The following C10orf67 variants were observed in gnomAD, a reference collection of about 807,000 sequenced individuals.
C10orf67 encodes chromosome 10 open reading frame 67, also known as uncharacterized protein C10orf67, mitochondrial.
Under a neutral mutation model 35.6 loss-of-function variants are expected in C10orf67, and 60 were observed. The observed-to-expected ratio is 1.68, with a 90% CI of 1.37 to 2.09. The LOEUF is 2.09. Among genes scored for constraint, C10orf67 ranks in the 30% most tolerant of loss-of-function variants. C10orf67 has a pLI of 0.00. For synonymous variants in C10orf67, 167 were observed against 115.8 expected, an observed-to-expected ratio of 1.44 and a Z score of -2.84; for missense variants, 474 against 330.2, an observed-to-expected ratio of 1.44 and a Z score of -3.38.
chr10:23,343,712 CG>C (rs1219161509), intron 1 of C10orf67, among the ~76,000 whole-genome samples: 1 of 152,188 alleles, frequency 6.6e-6, no homozygotes, highest in Admixed American at 6.5e-5. Flanking sequence ...CTCCAGAGTC[CG>C]TGCTCTTAGT....
intron 2 of C10orf67, 55 bp downstream of exon 2, chr10:23,333,007 A>G: frequency 4.5e-6 from 7 of 1,550,986 alleles, no homozygotes; most frequent in Non-Finnish European, 6.2e-6. Flanking sequence ...AAGAAACATG[A>G]AGGCAATTAA....
Position 23,206,617 on chromosome 10 carries a change from A to T in C10orf67, c.1571-2362T>A, listed in dbSNP as rs77462774. Reference sequence around the variant, plus strand: ...AACTGATAAGTTACCATGAATAAAGATTGTTTTTCTGTTTAATGTGGTGGG... The same window carrying T: ...AACTGATAAGTTACCATGAATAAAGTTTGTTTTTCTGTTTAATGTGGTGGG... On this transcript the variant is annotated intron_variant, in intron 15 of 15. Coordinates refer to ENST00000636213, the MANE Select transcript of C10orf67 (RefSeq NM_001371909.1). Among the ~76,000 whole-genome samples the T allele has an allele frequency of 5.6e-3, 846 of 152,270 alleles. 12 individuals are homozygous for T. The highest frequency in any genetic ancestry group is 0.019 in the African/African-American group (810 of 41,556).
intron 8 of C10orf67, among the ~76,000 whole-genome samples, chr10:23,268,808 T>G (rs577197789): frequency 6.6e-6 from 1 of 152,354 alleles, no homozygotes; most frequent in African/African-American, 2.4e-5. Flanking sequence ...CATAGCCTAT[T>G]GTTCCTAGGC....
chr10:23,204,475 G>T (rs1302628366), intron 15 of C10orf67, among the ~76,000 whole-genome samples: 1 of 152,166 alleles, frequency 6.6e-6, no homozygotes, highest in African/African-American at 2.4e-5. Flanking sequence ...GCGTGTGCCA[G>T]CCAAGCTTTG....
intron 12 of C10orf67, among the ~76,000 whole-genome samples, chr10:23,240,418 A>G (rs1465126845): frequency 6.6e-6 from 1 of 152,256 alleles, no homozygotes. Context: ...TTCTACCAGA[A>G]TTCAACAAAG....
intron 12 of C10orf67, 125 bp downstream of exon 12, chr10:23,250,330 A>G: frequency 2.5e-6 from 1 of 394,336 alleles, no homozygotes. Flanking sequence ...ATTATTTTGC[A>G]TTTCTTGTAG....
intron 13 of C10orf67, among the ~76,000 whole-genome samples, chr10:23,229,717 A>T (rs1841852752): frequency 6.6e-6 from 1 of 152,208 alleles, no homozygotes; most frequent in Non-Finnish European, 1.5e-5. Context: ...AACTACTTAG[A>T]GTAATATGCA....
In C10orf67 at chr10:23,225,698, A is replaced by G. The variant is rs549605489; in HGVS notation, c.1435-1880T>C. On this transcript the variant is annotated intron_variant, in intron 13 of 15. Transcript: ENST00000636213. The stretch of plus-strand genomic sequence containing the variant: ...AGATCTACCAAGCAAATGGAAAACA[A>G]AAAAAGGCAAGGGTTGCAATCCTAG... Among the ~76,000 whole-genome samples the G allele has an allele frequency of 5.3e-5, 8 of 152,308 alleles. No individual in the cohort carries two copies. In the South Asian group the frequency reaches 1.5e-3, roughly 28 times the overall value.
At chr10:23,207,647 G>A (rs968528154) in intron 15 of C10orf67, among the ~76,000 whole-genome samples, 3 of 152,174 alleles carry the variant, frequency 2.0e-5, no homozygotes, top group Admixed American at 1.3e-4. Context: ...AACCACATCG[G>A]TCACAGTTGA....
intron 2 of C10orf67, among the ~76,000 whole-genome samples, chr10:23,327,161 A>C (rs1357873709): frequency 6.6e-6 from 1 of 152,122 alleles, no homozygotes; most frequent in African/African-American, 2.4e-5. Context: ...AACTAAAGAA[A>C]AGTTAATACA....
intron 1 of C10orf67, 86 bp from the exon 2 acceptor site, chr10:23,333,268 A>G (rs895003780): frequency 1.5e-6 from 2 of 1,294,650 alleles, no homozygotes; most frequent in African/African-American, 1.5e-5. Context: ...TGTGTAAATC[A>G]TATCGTATTT....
chr10:23,206,540 T>C (rs774674174), intron 15 of C10orf67, among the ~76,000 whole-genome samples: 12 of 152,212 alleles, frequency 7.9e-5, no homozygotes, highest in Non-Finnish European at 1.8e-4. Flanking sequence ...ACCTATTGCT[T>C]TCAAGTTGCT....
At chr10:23,243,097 C>A (rs1254277465) in intron 12 of C10orf67, among the ~76,000 whole-genome samples, 2 of 152,052 alleles carry the variant, frequency 1.3e-5, no homozygotes, top group South Asian at 2.1e-4. Flanking sequence ...AAGAGCATTA[C>A]TAAAGATAAA....
chr10:23,320,723 C>A lies in C10orf67; in HGVS notation c.546+18G>T. Reference sequence around the variant, plus strand: ...GCTAGCCTTGCCCACAACTACGGCACCAGAAACAGAAACTCACCTGGTACA... The same window carrying A: ...GCTAGCCTTGCCCACAACTACGGCAACAGAAACAGAAACTCACCTGGTACA... On this transcript the variant is annotated intron_variant, in intron 4 of 15. Transcript: ENST00000636213. The A allele has an allele frequency of 6.4e-7, 1 of 1,571,784 alleles. No individual in the cohort carries two copies. Among genetic ancestry groups the A allele is most frequent in the Non-Finnish European group, 8.7e-7 (1 of 1,154,386 alleles).
chr10:23,271,858 C>G (rs1843035016), intron 8 of C10orf67, among the ~76,000 whole-genome samples: 1 of 152,184 alleles, frequency 6.6e-6, no homozygotes, highest in Non-Finnish European at 1.5e-5. Context: ...TTTCCTCCCA[C>G]TCTGTGGTTT....
At chr10:23,305,595 A>G (rs965278868) in intron 4 of C10orf67, among the ~76,000 whole-genome samples, 2 of 152,258 alleles carry the variant, frequency 1.3e-5, no homozygotes, top group Admixed American at 6.5e-5. Context: ...GGAAGATGCA[A>G]ATCAAAACTA....
chr10:23,330,208 G>A (rs563044150), intron 2 of C10orf67, among the ~76,000 whole-genome samples: 4 of 152,068 alleles, frequency 2.6e-5, no homozygotes, highest in Non-Finnish European at 5.9e-5. Flanking sequence ...CTGTATTCCC[G>A]ACACTTTGGG....
intron 5 of C10orf67, among the ~76,000 whole-genome samples, chr10:23,298,662 C>T (rs1843969338): frequency 6.6e-6 from 1 of 152,180 alleles, no homozygotes; most frequent in Non-Finnish European, 1.5e-5. Flanking sequence ...GCCAATATAG[C>T]CTGGATACAT....
chr10:23,220,360 C>A (rs911525843), intron 15 of C10orf67, among the ~76,000 whole-genome samples: 2 of 152,128 alleles, frequency 1.3e-5, no homozygotes, highest in Non-Finnish European at 2.9e-5. Context: ...GATCTCACTT[C>A]ATCCTCATAA....
Sources: allele counts gnomAD v4.1 joint callset (sites outside exome capture counted in the v4.1 genomes callset), GRCh38; gene constraint gnomAD v4.1.1; transcripts MANE v1.5; gene names NCBI Gene and HGNC (gene_info 2026-07-23, HGNC 2026-07-21).